EIF2S3: variants seen among roughly 807,000 people sequenced by gnomAD.
The protein encoded by EIF2S3 is eukaryotic translation initiation factor 2 subunit gamma.
In EIF2S3, 2 loss-of-function variants were observed where a neutral mutation model predicts 31.7. The ratio of observed to expected loss-of-function variants is 0.06; its 90% CI spans 0.03 to 0.20. The LOEUF (loss-of-function observed/expected upper bound fraction) is 0.20, where lower values mean the gene tolerates loss of function less well. EIF2S3 is among the 10% of genes least tolerant of loss of function. The probability of loss-of-function intolerance (pLI) is 1.00; values close to 1 mark genes in which losing one functional copy is unlikely to be tolerated. For synonymous variants in EIF2S3, 120 were observed against 126.7 expected (o/e 0.95, Z 0.36); for missense variants, 96 against 359.3 (o/e 0.27, Z 5.92).
chrX:24,071,987 T>G (rs1238490775), intron 10 of EIF2S3, among the ~76,000 whole-genome samples: 2 of 107,381 alleles, frequency 1.9e-5, no homozygotes, highest in Non-Finnish European at 3.8e-5. Context: ...GCAATTCTCT[T>G]GCCTCGGTTT....
intron 11 of EIF2S3, among the ~76,000 whole-genome samples, chrX:24,074,773 T>C (rs1342469539): frequency 9.1e-6 from 1 of 109,782 alleles, no homozygotes; most frequent in African/African-American, 3.3e-5. Context: ...TTTATTTTGA[T>C]GTGCATTGTT....
At chrX:24,067,103 T>G (rs766683759) in intron 8 of EIF2S3, among the ~76,000 whole-genome samples, 1 of 110,820 alleles carries the variant, frequency 9.0e-6, no homozygotes, top group African/African-American at 3.3e-5. Context: ...CACAGTGGCA[T>G]GATCTTGACT....
At chrX:24,066,213 T>C (rs1930570903) in intron 8 of EIF2S3, 121 bp downstream of exon 8, 1 of 478,218 alleles carries the variant, frequency 2.1e-6, no homozygotes, top group Non-Finnish European at 3.3e-6. Context: ...AAATAAAATT[T>C]TTTCCATGGT....
intron 7 of EIF2S3, 151 bp downstream of exon 7, chrX:24,064,486 G>A (rs1930540896): frequency 1.3e-6 from 1 of 750,535 alleles, no homozygotes; most frequent in African/African-American, 2.1e-5. Context: ...TATTGGCAGT[G>A]CTAGATTGTA....
At chrX:24,071,514 T>C (rs1330176288) in intron 9 of EIF2S3, 44 bp from the exon 10 acceptor site, 1 of 1,164,493 alleles carries the variant, frequency 8.6e-7, no homozygotes, top group Non-Finnish European at 1.2e-6. Context: ...ATAGGTGTTT[T>C]AGGAAATAAA....
intron 8 of EIF2S3, among the ~76,000 whole-genome samples, chrX:24,067,053 A>G (rs1411413805): frequency 1.8e-5 from 2 of 110,860 alleles, no homozygotes; most frequent in Admixed American, 9.7e-5. Flanking sequence ...ACTAATTTAC[A>G]TGCTCTGATA....
chrX:24,071,442 G>A lies in EIF2S3; in HGVS notation c.1013-116G>A, dbSNP rs767029344. The A allele has an allele frequency of 2.1e-5, 16 of 756,902 alleles. 1 individual carries two copies. In the Middle Eastern group the frequency reaches 1.4e-3, roughly 68 times the overall value. 62.4% of individuals were successfully genotyped at this position (756,902 alleles called of 1,213,427 possible). On this transcript the variant is annotated intron_variant, in intron 9 of 11. Transcript: ENST00000253039. ...CTGAGCTCAGGCATCCACCTGCCTC[G>A]GCCTCCCAAAGTGCTGGGATTACAG...
At chrX:24,067,383 G>A (rs1602045652) in intron 8 of EIF2S3, among the ~76,000 whole-genome samples, 1 of 110,350 alleles carries the variant, frequency 9.1e-6, no homozygotes, top group East Asian at 2.8e-4. Flanking sequence ...TGTCTGACTT[G>A]AAAATTTATA....
intron 9 of EIF2S3, among the ~76,000 whole-genome samples, chrX:24,070,439 G>GTTGTT (rs1555984478): frequency 3.7e-4 from 19 of 50,969 alleles, no homozygotes; most frequent in African/African-American, 1.6e-3. Context: ...ATCATATGTA[G>GTTGTT]TTTTTTTTTT....
In EIF2S3 at chrX:24,054,968, C is replaced by T; in HGVS notation, c.-1C>T. 1 of 1,210,537 alleles carries T rather than the reference C, an allele frequency of 8.3e-7. No individual in the cohort carries two copies. Among genetic ancestry groups the T allele is most frequent in the Non-Finnish European group, 1.1e-6 (1 of 895,153 alleles). ...GGTGATTTCCTTCCTCTTTTGGCAACATGGCGGGCGGAGAAGCTGGAGTGA... is the reference window on the plus strand; with the variant it reads ...GGTGATTTCCTTCCTCTTTTGGCAATATGGCGGGCGGAGAAGCTGGAGTGA... On this transcript the variant is annotated 5_prime_UTR_variant, in exon 1 of 12. Transcript: ENST00000253039.
At chrX:24,068,384 A>T (rs1198963223) in intron 9 of EIF2S3, among the ~76,000 whole-genome samples, 1 of 111,772 alleles carries the variant, frequency 8.9e-6, no homozygotes, top group African/African-American at 3.2e-5. Context: ...ATGACTTATC[A>T]TGTAAGATAT....
chrX:24,060,292 C>CA lies in EIF2S3; in HGVS notation c.478+111dup, dbSNP rs778778558. ...GATCATATCTATTACCTAAGGGTGA[C>CA]ATGAATGGGAACTAACATGTCATCC... On this transcript the variant is annotated intron_variant, in intron 5 of 11. Coordinates refer to ENST00000253039, the MANE Select transcript of EIF2S3 (RefSeq NM_001415.4). 176 of 625,710 alleles carry CA rather than the reference C, an allele frequency of 2.8e-4. No individual in the cohort carries two copies. The African/African-American group carries it at 3.4e-3, about 12-fold the overall frequency. 51.6% of individuals were successfully genotyped at this position (625,710 alleles called of 1,213,427 possible). A position where few individuals can be genotyped will look rare whatever the true frequency, so the allele number is the denominator to read the frequency against.
At position 24,059,525 on chromosome X, in the gene EIF2S3, C is replaced by T. The variant is rs147165655; in HGVS notation, c.384-563C>T. Among the ~76,000 whole-genome samples, 654 of 108,961 alleles carry T rather than the reference C, an allele frequency of 6.0e-3. 2 individuals carry two copies. The highest frequency in any genetic ancestry group is 9.3e-3 in the Middle Eastern group (2 of 215). 94.6% of individuals were successfully genotyped at this position (108,961 alleles called of 115,157 possible). A position where few individuals can be genotyped will look rare whatever the true frequency, so the allele number is the denominator to read the frequency against. ...GCAACCTCCACCTCCTGGGTTCAAGCGATTCTCCTGCCTCAGCCTCCCAAG... is the reference window on the plus strand; with the variant it reads ...GCAACCTCCACCTCCTGGGTTCAAGTGATTCTCCTGCCTCAGCCTCCCAAG... On this transcript the variant is annotated intron_variant, in intron 4 of 11. Coordinates refer to ENST00000253039, the MANE Select transcript of EIF2S3 (RefSeq NM_001415.4).
chrX:24,055,162 T>C, intron 1 of EIF2S3, 125 bp downstream of exon 1: 1 of 792,110 alleles, frequency 1.3e-6, no homozygotes, highest in Admixed American at 2.9e-5. Flanking sequence ...GAGGGAGACC[T>C]GGAACTGGGC....
intron 8 of EIF2S3, among the ~76,000 whole-genome samples, chrX:24,066,689 T>C (rs1415889937): frequency 1.8e-5 from 2 of 110,494 alleles, no homozygotes; most frequent in Non-Finnish European, 3.8e-5. Flanking sequence ...AATTTTTGTA[T>C]TTGTAGTAAA....
At chrX:24,067,331 G>A (rs1040342172) in intron 8 of EIF2S3, among the ~76,000 whole-genome samples, 4 of 110,778 alleles carry the variant, frequency 3.6e-5, no homozygotes, top group South Asian at 3.8e-4. Context: ...AAGCCACCAC[G>A]CCCAGCTATA....
chrX:24,055,153 A>G, intron 1 of EIF2S3, 116 bp downstream of exon 1: 8 of 878,201 alleles, frequency 9.1e-6, no homozygotes, highest in Admixed American at 5.5e-5. Flanking sequence ...CTGGGTCAGG[A>G]GGGAGACCTG....
At chrX:24,073,455 G>A (rs778080110) in intron 11 of EIF2S3, 192 bp downstream of exon 11, 112 of 421,715 alleles carry the variant, frequency 2.7e-4, no homozygotes, top group Admixed American at 4.3e-4. Flanking sequence ...CACTTTGGGA[G>A]GCCTAGGCGG....
intron 7 of EIF2S3, among the ~76,000 whole-genome samples, chrX:24,064,698 G>A (rs981956745): frequency 9.0e-6 from 1 of 111,271 alleles, no homozygotes; most frequent in Non-Finnish European, 1.9e-5. Flanking sequence ...GCATGGTGGC[G>A]GGTGCCTGTA....
Sources: gnomAD v4.1 joint callset for allele counts (sites outside exome capture counted in the v4.1 genomes callset) on GRCh38, gnomAD v4.1.1 for gene constraint, MANE v1.5 for transcripts, NCBI Gene and HGNC (gene_info 2026-07-23, HGNC 2026-07-21) for gene names.